PCYT1B: variants seen among roughly 807,000 people sequenced by gnomAD.
PCYT1B encodes choline-phosphate cytidylyltransferase B.
PCYT1B carries 10 observed loss-of-function variants against 26.4 expected under a neutral mutation model. The ratio of observed to expected loss-of-function variants is 0.38; its 90% confidence interval spans 0.23 to 0.64. The LOEUF (loss-of-function observed/expected upper bound fraction) is 0.64. Among genes scored for constraint, PCYT1B ranks in the 30% least tolerant of loss-of-function variants. The pLI is 0.56. For synonymous variants in PCYT1B, 131 were observed against 108.4 expected, an observed-to-expected ratio of 1.21 and a Z score of -1.29; for missense variants, 161 against 292.7, an observed-to-expected ratio of 0.55 and a Z score of 3.28.
chrX:24,587,825 G>A (rs1054716404), intron 4 of PCYT1B, among the ~76,000 whole-genome samples: 3 of 112,453 alleles, frequency 2.7e-5, no homozygotes, highest in Non-Finnish European at 3.8e-5. Flanking sequence ...CTTCAGTTGG[G>A]ACATAAGGTG....
rs1214367686 is a variant in PCYT1B, at chrX:24,647,274, CCTCTCT to C, written c.-175_-170del. 21 of 901,599 alleles carry C rather than the reference CCTCTCT, an allele frequency of 2.3e-5. No individual in the cohort carries two copies. The highest frequency in any genetic ancestry group is 1.1e-4 in the African/African-American group (5 of 46,130). The allele number at this position is 901,599 out of a possible 1,213,427, so 74.3% of individuals were successfully genotyped here. On this transcript the variant is annotated 5_prime_UTR_variant, in exon 1 of 8. Transcript: ENST00000379144. The stretch of plus-strand genomic sequence containing the variant: ...GGAAGTAAAGAGGTTACCCCCCGCC[CCTCTCT>C]CTCTCTCTCTCTCCCAGAAGCCAAG...
intron 1 of PCYT1B, among the ~76,000 whole-genome samples, chrX:24,668,399 A>C (rs966432573): frequency 4.5e-5 from 5 of 112,228 alleles, no homozygotes; most frequent in African/African-American, 1.6e-4. Flanking sequence ...AAGAGGAAAG[A>C]ACAAACTGGG....
At chrX:24,590,660 C>G (rs762745761) in intron 3 of PCYT1B, among the ~76,000 whole-genome samples, 6 of 110,931 alleles carry the variant, frequency 5.4e-5, no homozygotes, top group East Asian at 5.6e-4. Context: ...CAGACAGACA[C>G]ACACACAAAT....
intron 1 of PCYT1B, among the ~76,000 whole-genome samples, chrX:24,627,561 G>A (rs111904198): frequency 0.073 from 8,123 of 111,516 alleles, 742 homozygotes; most frequent in African/African-American, 0.25. Context: ...CTGACCTCAG[G>A]TGATCTACCT....
At chrX:24,648,258 T>A (rs932910939), upstream of PCYT1B, among the ~76,000 whole-genome samples, 1 of 110,681 alleles carries the variant, frequency 9.0e-6, no homozygotes, top group Non-Finnish European at 1.9e-5. Context: ...TTGTGAATTG[T>A]CACTTTTAAT....
intron 1 of PCYT1B, among the ~76,000 whole-genome samples, chrX:24,654,749 C>CAAA (rs574317952): frequency 0.028 from 1,110 of 39,899 alleles, 83 homozygotes; most frequent in East Asian, 0.097. Context: ...GACCCTGTCT[C>CAAA]AAAAAAAAAA....
At chrX:24,633,517 T>C (rs1188798196) in intron 1 of PCYT1B, among the ~76,000 whole-genome samples, 1 of 109,956 alleles carries the variant, frequency 9.1e-6, no homozygotes, top group Non-Finnish European at 1.9e-5. Context: ...TACTAAAAAA[T>C]ACAAAAATTA....
intron 6 of PCYT1B, among the ~76,000 whole-genome samples, chrX:24,576,554 C>T (rs1452560098): frequency 9.0e-6 from 1 of 111,511 alleles, no homozygotes; most frequent in Non-Finnish European, 1.9e-5. Flanking sequence ...ATCCACTCGC[C>T]TCGGCCTTCC....
intron 2 of PCYT1B, among the ~76,000 whole-genome samples, chrX:24,618,559 T>C (rs1487589431): frequency 1.8e-5 from 2 of 110,728 alleles, no homozygotes; most frequent in African/African-American, 6.6e-5. Context: ...TGCGTTATAA[T>C]CTCTAAGTTC....
chrX:24,604,453 T>C (rs908643877), intron 3 of PCYT1B, among the ~76,000 whole-genome samples: 3 of 112,024 alleles, frequency 2.7e-5, no homozygotes, highest in African/African-American at 9.7e-5. Context: ...TACAATTCGA[T>C]TATTTTAAAT....
chrX:24,655,752 C>T (rs1324278239), intron 1 of PCYT1B, among the ~76,000 whole-genome samples: 5 of 109,946 alleles, frequency 4.5e-5, no homozygotes, highest in Admixed American at 2.9e-4. Context: ...CTATTGCACT[C>T]CAGCCTGGGT....
chrX:24,654,448 T>C (rs1203419364), intron 1 of PCYT1B, among the ~76,000 whole-genome samples: 56 of 103,747 alleles, frequency 5.4e-4, no homozygotes, highest in African/African-American at 1.9e-3. Context: ...CTGCCCCAGA[T>C]TTACCAAACA....
At chrX:24,629,581 A>AAAAAAC (rs1925994348) in intron 1 of PCYT1B, among the ~76,000 whole-genome samples, 1 of 99,806 alleles carries the variant, frequency 1.0e-5, no homozygotes, top group Non-Finnish European at 2.1e-5. Flanking sequence ...AAAAAAAAAA[A>AAAAAAC]AAAAAAAAAC....
chrX:24,652,333 C>T (rs1224603707), upstream of PCYT1B, among the ~76,000 whole-genome samples: 6 of 111,751 alleles, frequency 5.4e-5, no homozygotes, highest in Non-Finnish European at 1.1e-4. Flanking sequence ...CCAAGGCGGG[C>T]GGATCACCTG....
chrX:24,586,314 G>C (rs1395971330), intron 5 of PCYT1B, among the ~76,000 whole-genome samples: 1 of 112,879 alleles, frequency 8.9e-6, no homozygotes, highest in Admixed American at 9.3e-5. Flanking sequence ...GAATGTAAAA[G>C]CATCAGTTCT....
chrX:24,610,953 G>T, intron 2 of PCYT1B, among the ~76,000 whole-genome samples: 1 of 112,228 alleles, frequency 8.9e-6, no homozygotes, highest in Non-Finnish European at 1.9e-5. Flanking sequence ...GTTCAAACAA[G>T]CTATATATAA....
At chrX:24,610,409 T>A (rs773844618) in intron 2 of PCYT1B, among the ~76,000 whole-genome samples, 1 of 112,161 alleles carries the variant, frequency 8.9e-6, no homozygotes, top group African/African-American at 3.2e-5. Context: ...AGGATTATAC[T>A]GTATTCTAAA....
chrX:24,669,418 G>A (rs1927191359), intron 1 of PCYT1B, among the ~76,000 whole-genome samples: 2 of 101,332 alleles, frequency 2.0e-5, no homozygotes, highest in Admixed American at 2.2e-4. Flanking sequence ...TCGGGAGGCT[G>A]AGGCAGGAGA....
At chrX:24,654,766 A>AAG (rs1926868465) in intron 1 of PCYT1B, among the ~76,000 whole-genome samples, 2 of 106,651 alleles carry the variant, frequency 1.9e-5, no homozygotes, top group Admixed American at 1.0e-4. Flanking sequence ...AAAAAAAAAA[A>AAG]AAAAAAGAAA....
Sources: gnomAD v4.1 joint callset for allele counts (sites outside exome capture counted in the v4.1 genomes callset) on GRCh38, gnomAD v4.1.1 for gene constraint, MANE v1.5 for transcripts, NCBI Gene and HGNC (gene_info 2026-07-23, HGNC 2026-07-21) for gene names.